The following EP300 variants were observed in gnomAD, a reference collection of about 807,000 sequenced individuals.
The protein encoded by EP300 is histone acetyltransferase p300.
A neutral mutation model predicts 264.0 loss-of-function variants in EP300; 31 were observed. The ratio of observed to expected loss-of-function variants is 0.12; its 90% CI spans 0.09 to 0.16. The LOEUF (loss-of-function observed/expected upper bound fraction) is 0.16. EP300 is among the 10% of genes least tolerant of loss of function. The pLI, the probability that EP300 is intolerant of heterozygous loss-of-function variation, is 1.00. For missense variants in EP300, 2,766 were observed against 3,052.9 expected, an observed-to-expected ratio of 0.91 and a Z score of 2.21; for synonymous variants, 1,340 against 1,045.4, an observed-to-expected ratio of 1.28 and a Z score of -5.44.
intron 1 of EP300, among the ~76,000 whole-genome samples, chr22:41,111,375 C>T (rs1330107215): frequency 1.3e-5 from 2 of 152,184 alleles, no homozygotes; most frequent in Non-Finnish European, 2.9e-5. Context: ...ATCTTGCTAA[C>T]CTCTCACAAT....
rs751573749 is a variant in EP300 at position 41,117,215 on chromosome 22, C to T, written c.123C>T (p.His41=). 1.5e-5 allele frequency: 24 copies of T among 1,614,020 alleles called. No individual in the cohort carries two copies. The highest frequency in any genetic ancestry group is 2.2e-5 in the South Asian group (2 of 91,086). Residue 41 remains histidine, a synonymous_variant, in exon 2 of 31, where the codon CAC becomes CAT. Transcript: ENST00000263253. ...TTGGCTCTCTATTTGACTTGGAGCA[C>T]GACTTACCAGATGAATTAATCAACT... ...TDFGSLFDLE[H]DLPDELINST... is the part of the protein sequence containing the mutation.
In EP300 at chr22:41,092,957, T is replaced by C; in HGVS notation, c.-48T>C. Reference sequence around the variant, plus strand: ...GGGACCCCGGGCCGAAGAAGAGATTTCCTGAGGATTCTGGTTTTCCTCGCT... The same window carrying C: ...GGGACCCCGGGCCGAAGAAGAGATTCCCTGAGGATTCTGGTTTTCCTCGCT... On this transcript the variant is annotated 5_prime_UTR_variant, in exon 1 of 31. Transcript: ENST00000263253. 1 of 1,608,494 alleles carries C rather than the reference T, an allele frequency of 6.2e-7. No homozygotes were observed. Among genetic ancestry groups the C allele is most frequent in the Non-Finnish European group, 8.5e-7 (1 of 1,175,128 alleles).
chr22:41,165,671 C>T (rs2059130143), intron 22 of EP300, among the ~76,000 whole-genome samples: 1 of 152,220 alleles, frequency 6.6e-6, no homozygotes, highest in South Asian at 2.1e-4. Context: ...GATCCACCCA[C>T]CTCGGCCTCC....
intron 2 of EP300, among the ~76,000 whole-genome samples, chr22:41,119,766 G>A (rs977004719): frequency 6.6e-6 from 1 of 152,114 alleles, no homozygotes; most frequent in Non-Finnish European, 1.5e-5. Context: ...GTATTTTGAT[G>A]AGAAGGAGGA....
intron 20 of EP300, among the ~76,000 whole-genome samples, chr22:41,161,907 C>G (rs1180853487): frequency 6.6e-6 from 1 of 152,180 alleles, no homozygotes; most frequent in African/African-American, 2.4e-5. Context: ...ATCCTTGAAA[C>G]ATTTTGACAT....
In EP300 at chr22:41,177,518, C is replaced by T. The variant is rs1301825643; in HGVS notation, c.5807C>T (p.Ala1936Val). ...ATGGCAATGCAGATTCAGAGAGCAG[C>T]GGAGACGCAGCGCCAGATGGCCCAC... ...VEMAMQIQRA[A>V]ETQRQMAHVQ... Residue 1936 changes from alanine to valine, a missense_variant, in exon 31 of 31, where the codon GCG becomes GTG. Coordinates refer to ENST00000263253, the MANE Select transcript of EP300 (RefSeq NM_001429.4). The T allele has an allele frequency of 2.5e-6, 4 of 1,614,190 alleles. No individual in the cohort carries two copies. Among genetic ancestry groups the T allele is most frequent in the Non-Finnish European group, 2.5e-6 (3 of 1,180,038 alleles).
chr22:41,118,248 CT>C (rs2058832488), intron 2 of EP300, among the ~76,000 whole-genome samples: 1 of 152,080 alleles, frequency 6.6e-6, no homozygotes, highest in Non-Finnish European at 1.5e-5. Flanking sequence ...TGTTATTTTT[CT>C]TTATTGGTTG....
chr22:41,148,419 A>G (rs1017804550), intron 12 of EP300, among the ~76,000 whole-genome samples: 3 of 151,966 alleles, frequency 2.0e-5, no homozygotes, highest in Non-Finnish European at 2.9e-5. Context: ...ACTACTTCTC[A>G]CTAATCTGCC....
chr22:41,118,037 A>C (rs184469918), intron 2 of EP300, among the ~76,000 whole-genome samples: 17 of 152,350 alleles, frequency 1.1e-4, no homozygotes, highest in African/African-American at 3.8e-4. Flanking sequence ...ATTGCTGGCT[A>C]ATGCTGGTTC....
In EP300 at chr22:41,177,204, G is replaced by A. The variant is rs1379274045; in HGVS notation, c.5493G>A (p.Arg1831=). Residue 1831 remains arginine, a synonymous_variant, in exon 31 of 31, where the codon AGG becomes AGA. Transcript: ENST00000263253. The stretch of plus-strand genomic sequence containing the variant: ...AGCAGGCCCAAATGCTTCGCAGGAG[G>A]ATGGCCAGCATGCAGCGGACTGGTG... ...RLQQAQMLRR[R]MASMQRTGVV... is the part of the protein sequence containing the mutation. 6 of 1,613,998 alleles carry A rather than the reference G, an allele frequency of 3.7e-6. No homozygotes were observed. The African/African-American group carries it at 8.0e-5, about 22-fold the overall frequency.
Position 41,151,986 on chromosome 22 carries a change from G to C in EP300, c.2971G>C (p.Asp991His), listed in dbSNP as rs772291437. 1.2e-6 allele frequency: 2 copies of C among 1,614,054 alleles called. No individual in the cohort carries two copies. Among genetic ancestry groups the C allele is most frequent in the East Asian group, 2.2e-5 (1 of 44,896 alleles). ...KMEVDQPEPA[D>H]TQPEDISESK... ...GGAAGTGGATCAACCAGAACCAGCA[G>C]ATACTCAGCCGGAGGATATTTCAGA... Residue 991 changes from aspartate (D) to histidine (H), a missense_variant, in exon 15 of 31, where the codon GAT becomes CAT. Physicochemically the swap from Asp to His is moderately conservative, Grantham distance 81. Coordinates refer to ENST00000263253, the MANE Select transcript of EP300 (RefSeq NM_001429.4).
At chr22:41,120,420 A>G (rs1480548943) in intron 2 of EP300, among the ~76,000 whole-genome samples, 1 of 152,172 alleles carries the variant, frequency 6.6e-6, no homozygotes, top group Non-Finnish European at 1.5e-5. Flanking sequence ...AATTATACTC[A>G]TTACATTTCT....
chr22:41,097,955 A>G (rs2058710984), intron 1 of EP300, among the ~76,000 whole-genome samples: 1 of 151,694 alleles, frequency 6.6e-6, no homozygotes, highest in Non-Finnish European at 1.5e-5. Context: ...CTGCCTCCCA[A>G]AGTGCTGGGA....
At chr22:41,153,427 T>C (rs1485621156) in intron 16 of EP300, among the ~76,000 whole-genome samples, 6 of 152,234 alleles carry the variant, frequency 3.9e-5, no homozygotes, top group African/African-American at 1.2e-4. Flanking sequence ...TGTTTTAATA[T>C]GGGCTGTAAC....
intron 2 of EP300, among the ~76,000 whole-genome samples, chr22:41,122,536 A>G (rs1953469252): frequency 6.6e-6 from 1 of 151,964 alleles, no homozygotes; most frequent in South Asian, 2.1e-4. Flanking sequence ...TCAAACTGCC[A>G]CTTGTAAATT....
intron 11 of EP300, 47 bp downstream of exon 11, chr22:41,146,863 A>C (rs750542360): frequency 6.6e-7 from 1 of 1,512,298 alleles, no homozygotes; most frequent in Non-Finnish European, 9.1e-7. Context: ...TCCCCGGTGT[A>C]CTGCAAGATA....
At chr22:41,142,434 A>G (rs1255001072) in intron 10 of EP300, among the ~76,000 whole-genome samples, 2 of 152,190 alleles carry the variant, frequency 1.3e-5, no homozygotes, top group Non-Finnish European at 2.9e-5. Flanking sequence ...GAGGAGCAAC[A>G]TTGCTGAGGA....
chr22:41,126,197 T>TGAA, intron 3 of EP300, 157 bp downstream of exon 3: 3 of 713,508 alleles, frequency 4.2e-6, no homozygotes, highest in Non-Finnish European at 7.0e-6. Context: ...GGCTTGTGCT[T>TGAA]CCTTTCCATT....
In EP300 at chr22:41,157,404, G is replaced by A. The variant is rs1391404154; in HGVS notation, c.3497G>A (p.Arg1166Lys). Residue 1166 changes from arginine (R) to lysine (K), a missense_variant, in exon 18 of 31, where the codon AGA (arginine) becomes AAA (lysine). Physicochemically the swap from Arg to Lys is conservative, Grantham distance 26. Transcript: ENST00000263253. The part of the protein sequence containing the change: ...VMQSLGYCCG[R>K]KLEFSPQTLC... ...CAAAGCCTTGGATACTGTTGTGGCA[G>A]AAAGGTAAGAAATGTGTTTCAGATT... 6.2e-7 allele frequency: 1 copy of A among 1,601,344 alleles called. No homozygotes were observed. The highest frequency in any genetic ancestry group is 1.1e-5 in the South Asian group (1 of 90,898).
Sources: gnomAD v4.1 joint callset for allele counts (sites outside exome capture counted in the v4.1 genomes callset) on GRCh38, gnomAD v4.1.1 for gene constraint, MANE v1.5 for transcripts, NCBI Gene and HGNC (gene_info 2026-07-23, HGNC 2026-07-21) for gene names.